Variants in MMS22L observed in about 807,000 individuals in gnomAD.
MMS22L encodes the protein MMS22 like, DNA repair protein.
A neutral mutation model predicts 159.1 loss-of-function variants in MMS22L; 74 were observed. That is an observed-to-expected ratio of 0.47 (90% confidence interval 0.39 to 0.56). The LOEUF (loss-of-function observed/expected upper bound fraction) is 0.56, where lower values mean the gene tolerates loss of function less well. Among genes scored for constraint, MMS22L ranks in the 20% least tolerant of loss-of-function variants. The pLI, the probability that MMS22L is intolerant of heterozygous loss-of-function variation, is 0.00. For missense variants in MMS22L, 1,351 were observed against 1,422.1 expected (o/e 0.95, Z 0.80); for synonymous variants, 517 against 506.9 (o/e 1.02, Z -0.27).
chr6:97,199,063 C>T (rs928687792), intron 14 of MMS22L, among the ~76,000 whole-genome samples: 25 of 152,184 alleles, frequency 1.6e-4, no homozygotes, highest in Middle Eastern at 3.4e-3. Context: ...CAGTCTTTTT[C>T]GAAAACAGTA....
At position 97,181,943 on chromosome 6, in the gene MMS22L, T is replaced by C. The variant is rs767969679; in HGVS notation, c.2345A>G (p.Gln782Arg). 1 of 1,613,102 alleles carries C rather than the reference T, an allele frequency of 6.2e-7. No individual in the cohort carries two copies. The highest frequency in any genetic ancestry group is 1.1e-5 in the South Asian group (1 of 90,718). ...LFGWDDIICP[Q>R]VVARYLSHVL... The stretch of plus-strand genomic sequence containing the variant: ...ATGACTTAAATATCTTGCTACAACT[T>C]GAGGGCAGATGATATCATCCCAACC... The change falls in exon 16 of 25, where the codon CAA becomes CGA. Residue 782 changes from glutamine to arginine, a missense_variant. Physicochemically the swap from Gln to Arg is conservative, Grantham distance 43. Transcript: ENST00000683635.
intron 4 of MMS22L, among the ~76,000 whole-genome samples, chr6:97,275,775 C>T (rs150037301): frequency 5.9e-5 from 9 of 152,204 alleles, no homozygotes; most frequent in South Asian, 2.1e-4. Flanking sequence ...GAGGCCAAGG[C>T]GGGAGGATCA....
intron 11 of MMS22L, among the ~76,000 whole-genome samples, chr6:97,240,514 A>G (rs1388351656): frequency 2.0e-5 from 3 of 152,102 alleles, no homozygotes; most frequent in Non-Finnish European, 4.4e-5. Flanking sequence ...CCCACAACCA[A>G]TAGTCTTTGG....
intron 14 of MMS22L, among the ~76,000 whole-genome samples, chr6:97,221,249 A>G (rs1017016717): frequency 1.3e-5 from 2 of 152,092 alleles, no homozygotes; most frequent in South Asian, 4.1e-4. Flanking sequence ...TTTTCCTCAC[A>G]TTATTTTAAA....
intron 14 of MMS22L, among the ~76,000 whole-genome samples, chr6:97,208,908 C>T (rs1372975357): frequency 2.0e-5 from 3 of 152,000 alleles, no homozygotes; most frequent in East Asian, 1.9e-4. Context: ...AACATTTAAC[C>T]CGTCCCAACT....
chr6:97,230,612 T>G (rs1810758367), intron 13 of MMS22L: 1 of 152,160 alleles, frequency 6.6e-6, no homozygotes, highest in Non-Finnish European at 1.5e-5. Context: ...TAAACTCCAA[T>G]GACTTCTTTT....
chr6:97,192,292 C>T (rs1394358707), intron 14 of MMS22L, among the ~76,000 whole-genome samples: 3 of 152,090 alleles, frequency 2.0e-5, no homozygotes, highest in Non-Finnish European at 4.4e-5. Context: ...GGCAATGATG[C>T]TTACCGTCAC....
intron 3 of MMS22L, among the ~76,000 whole-genome samples, chr6:97,280,574 A>C (rs1245257860): frequency 6.6e-6 from 1 of 152,070 alleles, no homozygotes; most frequent in Admixed American, 6.6e-5. Context: ...TCGGCCTCCC[A>C]AAGTGCTGGG....
chr6:97,174,671 C>T (rs1803949771), intron 18 of MMS22L, among the ~76,000 whole-genome samples: 2 of 152,134 alleles, frequency 1.3e-5, no homozygotes, highest in Admixed American at 6.6e-5. Context: ...AGTCAATGAG[C>T]TTTCAGATGC....
At chr6:97,217,667 G>A (rs1439279841) in intron 14 of MMS22L, among the ~76,000 whole-genome samples, 1 of 152,176 alleles carries the variant, frequency 6.6e-6, no homozygotes, top group Non-Finnish European at 1.5e-5. Flanking sequence ...ATTATAATCA[G>A]GGGCATAGCA....
At chr6:97,176,232 G>A (rs1229997336) in intron 18 of MMS22L, among the ~76,000 whole-genome samples, 5 of 152,018 alleles carry the variant, frequency 3.3e-5, no homozygotes, top group Non-Finnish European at 7.4e-5. Flanking sequence ...TACACTATTT[G>A]TGCAAATATT....
At chr6:97,248,442 T>C (rs2128044674) in intron 10 of MMS22L, among the ~76,000 whole-genome samples, 1 of 152,332 alleles carries the variant, frequency 6.6e-6, no homozygotes, top group South Asian at 2.1e-4. Context: ...GACACAGCAA[T>C]AGATTACTAA....
intron 23 of MMS22L, 137 bp downstream of exon 23, chr6:97,151,634 G>A (rs761400584): frequency 1.9e-5 from 13 of 686,980 alleles, no homozygotes; most frequent in Admixed American, 5.2e-5. Flanking sequence ...CAAAACTACT[G>A]CCAAAAATAC....
chr6:97,282,436 G>C lies in MMS22L; in HGVS notation c.42C>G (p.Ser14Arg). Residue 14 changes from serine (S) to arginine (R), a missense_variant, in exon 2 of 25, where the codon AGC becomes AGG. Coordinates refer to ENST00000683635, the MANE Select transcript of MMS22L (RefSeq NM_001350599.2). ...ATTCCGTCCCCAGCTCCAGCTCTAAGCTGTCAGTCAGGAACGTCGATGCAG... is the reference window on the plus strand; with the variant it reads ...ATTCCGTCCCCAGCTCCAGCTCTAACCTGTCAGTCAGGAACGTCGATGCAG... Reference protein sequence around the residue: ...CSAASTFLTDSLELELGTEWC... With the variant: ...CSAASTFLTDRLELELGTEWC... The C allele has an allele frequency of 6.2e-7, 1 of 1,614,030 alleles. No homozygotes were observed. Among genetic ancestry groups the C allele is most frequent in the Non-Finnish European group, 8.5e-7 (1 of 1,179,988 alleles).
intron 21 of MMS22L, among the ~76,000 whole-genome samples, chr6:97,164,766 G>A (rs867887639): frequency 2.0e-5 from 3 of 151,784 alleles, no homozygotes; most frequent in African/African-American, 4.8e-5. Context: ...AGAGCCATCC[G>A]CTACCATGTC....
intron 8 of MMS22L, chr6:97,266,606 T>C (rs1317990707): frequency 1.3e-5 from 2 of 152,370 alleles, no homozygotes; most frequent in Admixed American, 6.5e-5. Flanking sequence ...CTTGTATATG[T>C]GGTCTGTCAC....
chr6:97,215,584 A>G (rs1013089423), intron 14 of MMS22L, among the ~76,000 whole-genome samples: 3 of 152,092 alleles, frequency 2.0e-5, no homozygotes, highest in Non-Finnish European at 4.4e-5. Flanking sequence ...GGCAATTTAG[A>G]TCCAATCAGC....
At chr6:97,168,856 TCC>T (rs1234184985) in intron 19 of MMS22L, among the ~76,000 whole-genome samples, 3 of 152,072 alleles carry the variant, frequency 2.0e-5, no homozygotes, top group Non-Finnish European at 4.4e-5. Flanking sequence ...AAATTAACAA[TCC>T]ACCTTTTAAA....
At chr6:97,260,298 G>A (rs1814319911) in intron 9 of MMS22L, 1 of 152,070 alleles carries the variant, frequency 6.6e-6, no homozygotes, top group South Asian at 2.1e-4. Context: ...GCATTTATAT[G>A]TACAGTTATT....
Sources: gnomAD v4.1 joint callset for allele counts (sites outside exome capture counted in the v4.1 genomes callset) on GRCh38, gnomAD v4.1.1 for gene constraint, MANE v1.5 for transcripts, NCBI Gene and HGNC (gene_info 2026-07-23, HGNC 2026-07-21) for gene names.